Variants in EYA1 observed in about 807,000 individuals in gnomAD.
The protein encoded by EYA1 is EYA transcriptional coactivator and phosphatase 1, also known as protein phosphatase EYA1.
EYA1 carries 16 observed loss-of-function variants against 82.0 expected under a neutral mutation model. The observed-to-expected ratio is 0.20, with a 90% confidence interval of 0.13 to 0.30. The LOEUF is 0.30. Ranked by LOEUF, EYA1 falls within the 10% of genes least tolerant of loss-of-function variation. The pLI is 1.00. For synonymous variants in EYA1, 261 were observed against 264.4 expected (o/e 0.99, Z 0.12); for missense variants, 633 against 730.7 (o/e 0.87, Z 1.54).
At chr8:71,339,486 G>C (rs1401493244) in intron 3 of EYA1, among the ~76,000 whole-genome samples, 2 of 152,066 alleles carry the variant, frequency 1.3e-5, no homozygotes, top group Non-Finnish European at 2.9e-5. Flanking sequence ...ACAACTGTCT[G>C]AAACTGTTTC....
intron 2 of EYA1, among the ~76,000 whole-genome samples, chr8:71,369,202 C>CAA (rs368382614): frequency 0.038 from 2,190 of 57,368 alleles, 122 homozygotes; most frequent in African/African-American, 0.12. Flanking sequence ...GACTCCGTCT[C>CAA]AAAAAAAAAA....
At chr8:71,362,313 C>T, upstream of EYA1, 1 of 591,720 alleles carries the variant, frequency 1.7e-6, no homozygotes, top group Non-Finnish European at 2.1e-6. Context: ...TAAATGAACG[C>T]GCCCCACGCT....
rs189770934 is a variant in EYA1 at position 71,322,878 on chromosome 8, G to T, written c.203-610C>A. Among the ~76,000 whole-genome samples the T allele has an allele frequency of 7.6e-4, 116 of 152,136 alleles. 1 individual carries two copies. Among genetic ancestry groups the T allele is most frequent in the African/African-American group, 2.7e-3 (113 of 41,488 alleles). ...GCCTGTTTTTTCCTGTGCTGATCTG[G>T]GTCTTCCTTTGCCTTTTAGTTATAT... On this transcript the variant is annotated intron_variant, in intron 4 of 17. Coordinates refer to ENST00000340726, the MANE Select transcript of EYA1 (RefSeq NM_000503.6).
rs550313908 is a variant in EYA1, at chr8:71,255,019, A to G, written c.1051-10327T>C. Among the ~76,000 whole-genome samples, 33 of 152,348 alleles carry G rather than the reference A, an allele frequency of 2.2e-4. No individual in the cohort carries two copies. The South Asian group carries it at 6.4e-3, about 30-fold the overall frequency. On this transcript the variant is annotated intron_variant, in intron 11 of 17. Transcript: ENST00000340726. ...CAATAGCAGAAATGAAAGAAATCAA[A>G]TACTTAGGAATAAACTTAAATAGGG...
At chr8:71,239,840 T>C (rs910036645) in intron 12 of EYA1, among the ~76,000 whole-genome samples, 1 of 152,152 alleles carries the variant, frequency 6.6e-6, no homozygotes, top group African/African-American at 2.4e-5. Flanking sequence ...ATAAAGGACT[T>C]TCTAGGTGAG....
At chr8:71,199,477 GCTT>G in intron 17 of EYA1, 57 bp from the exon 18 acceptor site, 1 of 1,289,670 alleles carries the variant, frequency 7.8e-7, no homozygotes, top group South Asian at 1.2e-5. Context: ...AGCCCTGCCA[GCTT>G]TTTTGGAAAT....
chr8:71,532,980 T>C (rs1814411664), intron 2 of EYA1, among the ~76,000 whole-genome samples: 1 of 152,220 alleles, frequency 6.6e-6, no homozygotes, highest in African/African-American at 2.4e-5. Flanking sequence ...GCAACATCAC[T>C]GATGACTCTC....
chr8:71,492,744 C>T (rs1370599480), intron 2 of EYA1, among the ~76,000 whole-genome samples: 7 of 152,168 alleles, frequency 4.6e-5, no homozygotes, highest in African/African-American at 1.2e-4. Flanking sequence ...GGATTACAGG[C>T]GTGAGCCACT....
intron 2 of EYA1, among the ~76,000 whole-genome samples, chr8:71,408,647 G>A (rs1440979293): frequency 5.4e-5 from 5 of 92,282 alleles, no homozygotes; most frequent in Non-Finnish European, 6.5e-5. Flanking sequence ...TAATGGTAAA[G>A]GGATCAATTC....
At chr8:71,429,978 T>C (rs574392392) in intron 2 of EYA1, among the ~76,000 whole-genome samples, 1 of 152,314 alleles carries the variant, frequency 6.6e-6, no homozygotes, top group African/African-American at 2.4e-5. Flanking sequence ...GGAATAAGTC[T>C]ATATATAAAC....
intron 6 of EYA1, among the ~76,000 whole-genome samples, chr8:71,321,207 C>T (rs192908086): frequency 5.4e-4 from 82 of 152,190 alleles, no homozygotes; most frequent in African/African-American, 1.9e-3. Context: ...AAATGTTTCC[C>T]GATTTGCCTC....
chr8:71,464,020 C>T (rs900687723), intron 2 of EYA1, among the ~76,000 whole-genome samples: 2 of 152,116 alleles, frequency 1.3e-5, no homozygotes, highest in Non-Finnish European at 2.9e-5. Flanking sequence ...ATTTCCACTA[C>T]ATTATAATAA....
At chr8:71,237,063 T>C (rs1363271619) in intron 12 of EYA1, among the ~76,000 whole-genome samples, 1 of 152,136 alleles carries the variant, frequency 6.6e-6, no homozygotes, top group Non-Finnish European at 1.5e-5. Context: ...CTTTTCTTTT[T>C]TTTTTTTGAG....
intron 2 of EYA1, among the ~76,000 whole-genome samples, chr8:71,491,641 T>C (rs1811004120): frequency 6.6e-6 from 1 of 152,224 alleles, no homozygotes; most frequent in Non-Finnish European, 1.5e-5. Context: ...CACCTTGGTC[T>C]GAGACTTCTA....
At chr8:71,547,992 G>A (rs1212404938) in exon 1 of EYA1, 1 of 152,230 alleles carries the variant, frequency 6.6e-6, no homozygotes, top group Non-Finnish European at 1.5e-5. Flanking sequence ...CAAAAAACCC[G>A]GCTCCGGCTT....
chr8:71,473,499 G>C (rs1377700580), intron 2 of EYA1, among the ~76,000 whole-genome samples: 2 of 152,072 alleles, frequency 1.3e-5, no homozygotes, highest in African/African-American at 4.8e-5. Context: ...ACCACAATGA[G>C]ATACCATCTC....
intron 17 of EYA1, among the ~76,000 whole-genome samples, chr8:71,201,622 A>G (rs180672608): frequency 1.1e-3 from 166 of 152,338 alleles, no homozygotes; most frequent in African/African-American, 3.8e-3. Flanking sequence ...GGTCACCACT[A>G]TAAACATTTC....
intron 2 of EYA1, among the ~76,000 whole-genome samples, chr8:71,517,518 T>G (rs1398200917): frequency 6.6e-6 from 1 of 151,724 alleles, no homozygotes; most frequent in African/African-American, 2.4e-5. Flanking sequence ...AAAAAATAGT[T>G]ATCATAAGGT....
chr8:71,426,570 G>A (rs933846990), intron 2 of EYA1, among the ~76,000 whole-genome samples: 3 of 152,246 alleles, frequency 2.0e-5, no homozygotes, highest in African/African-American at 7.2e-5. Flanking sequence ...AGCATTCGTG[G>A]TTTGCCTTGC....
Sources: allele counts gnomAD v4.1 joint callset (sites outside exome capture counted in the v4.1 genomes callset), GRCh38; gene constraint gnomAD v4.1.1; transcripts MANE v1.5; gene names NCBI Gene and HGNC (gene_info 2026-07-23, HGNC 2026-07-21).